The following SCMH1 variants were observed in gnomAD, a reference collection of about 807,000 sequenced individuals.
SCMH1 encodes polycomb protein SCMH1.
In SCMH1, 37 loss-of-function variants were observed where a neutral mutation model predicts 70.8. The observed-to-expected ratio is 0.52, with a 90% CI of 0.40 to 0.69. The LOEUF is 0.69. Ranked by LOEUF, SCMH1 falls within the 30% of genes least tolerant of loss-of-function variation. The probability of loss-of-function intolerance (pLI) is 0.00; values close to 1 mark genes in which losing one functional copy is unlikely to be tolerated. For synonymous variants in SCMH1, 292 were observed against 307.4 expected (o/e 0.95, Z 0.52); for missense variants, 607 against 827.3 (o/e 0.73, Z 3.27).
At chr1:41,096,933 C>T (rs995258801) in intron 8 of SCMH1, among the ~76,000 whole-genome samples, 2 of 152,192 alleles carry the variant, frequency 1.3e-5, no homozygotes, top group African/African-American at 4.8e-5. Flanking sequence ...TCCAGTCTTT[C>T]AAACTAGTTC....
At chr1:41,188,297 T>C (rs959682386) in intron 1 of SCMH1, among the ~76,000 whole-genome samples, 2 of 152,196 alleles carry the variant, frequency 1.3e-5, no homozygotes, top group Non-Finnish European at 2.9e-5. Flanking sequence ...GCTTGGCTAA[T>C]TTTTGTATTT....
At chr1:41,233,187 CTATATATAAGCCATA>C (rs138441556) in intron 1 of SCMH1, among the ~76,000 whole-genome samples, 4,798 of 152,092 alleles carry the variant, frequency 0.032, 288 homozygotes, top group Admixed American at 0.16. Context: ...CTCTTAATCC[CTATATATAAGCCATA>C]TATATATAAG....
chr1:41,075,459 A>C lies in SCMH1; in HGVS notation c.746-8T>G. 1.9e-6 allele frequency: 3 copies of C among 1,609,250 alleles called. No homozygotes were observed. The highest frequency in any genetic ancestry group is 2.6e-6 in the Non-Finnish European group (3 of 1,175,678). ...GATTCTTTGGAATCACAACTGCAAG[A>C]AAAAGACTCATTCTATCACCCTCCC... is the stretch of plus-strand genomic sequence containing the variant. On this transcript the variant is annotated splice_polypyrimidine_tract_variant and splice_region_variant and intron_variant, in intron 8 of 14. Coordinates refer to ENST00000337495, the Ensembl canonical transcript of SCMH1.
chr1:41,027,817 A>C, exon 15 of SCMH1: 1 of 203,648 alleles, frequency 4.9e-6, no homozygotes, highest in Non-Finnish European at 9.8e-6. Context: ...GTGAGAAGGT[A>C]CGAGCTGTGG....
At chr1:41,034,191 C>A in intron 13 of SCMH1, 143 bp from the exon 14 acceptor site, 1 of 1,174,394 alleles carries the variant, frequency 8.5e-7, no homozygotes, top group Non-Finnish European at 1.1e-6. Flanking sequence ...TCAGCTCTGC[C>A]TCTCTACTTG....
At chr1:41,205,478 G>A (rs1289873302) in intron 1 of SCMH1, among the ~76,000 whole-genome samples, 2 of 152,194 alleles carry the variant, frequency 1.3e-5, no homozygotes, top group African/African-American at 4.8e-5. Flanking sequence ...ATCAATTCGG[G>A]GCTCTCAGCT....
At chr1:41,057,830 C>T (rs1172411099) in intron 10 of SCMH1, among the ~76,000 whole-genome samples, 1 of 151,936 alleles carries the variant, frequency 6.6e-6, no homozygotes, top group Non-Finnish European at 1.5e-5. Flanking sequence ...AATAGTGTAA[C>T]AGAAATAAAG....
rs1054621051 is a variant in SCMH1 at position 41,110,529 on chromosome 1, A to C, written c.745+2754T>G. Among the ~76,000 whole-genome samples the C allele has an allele frequency of 2.0e-5, 3 of 152,228 alleles. No homozygotes were observed. In the East Asian group the frequency reaches 5.8e-4, roughly 29 times the overall value. On this transcript the variant is annotated intron_variant, in intron 8 of 14. Transcript: ENST00000337495. ...TTGCCAATTCTGGACATTTCATATA[A>C]ATGTAATCATCAATGATTATCTTTT...
intron 2 of SCMH1, among the ~76,000 whole-genome samples, chr1:41,164,040 C>A (rs1033675477): frequency 1.3e-5 from 2 of 152,142 alleles, no homozygotes; most frequent in African/African-American, 4.8e-5. Flanking sequence ...TTCTCACCAT[C>A]AATCACCTAT....
chr1:41,093,190 G>A (rs954719180), intron 8 of SCMH1, among the ~76,000 whole-genome samples: 2 of 151,964 alleles, frequency 1.3e-5, no homozygotes, highest in Non-Finnish European at 2.9e-5. Flanking sequence ...ATACTATGCA[G>A]CCATAAAAAA....
At chr1:41,126,092 T>C (rs922079837) in intron 6 of SCMH1, among the ~76,000 whole-genome samples, 1 of 152,200 alleles carries the variant, frequency 6.6e-6, no homozygotes, top group Non-Finnish European at 1.5e-5. Flanking sequence ...ACTACAGGGT[T>C]CTTCCTCATC....
At chr1:41,100,424 T>G (rs3766323) in intron 8 of SCMH1, among the ~76,000 whole-genome samples, 11,876 of 152,200 alleles carry the variant, frequency 0.078, 596 homozygotes, top group South Asian at 0.12. Context: ...ATTATGTCTT[T>G]AAGTTTGGTT....
intron 10 of SCMH1, among the ~76,000 whole-genome samples, chr1:41,053,248 A>G (rs1288938745): frequency 6.6e-6 from 1 of 152,064 alleles, no homozygotes; most frequent in Non-Finnish European, 1.5e-5. Context: ...TAAAATACAC[A>G]AAAAGGAAAT....
chr1:41,039,930 A>G (rs1645883337), intron 12 of SCMH1, among the ~76,000 whole-genome samples: 1 of 146,012 alleles, frequency 6.8e-6, no homozygotes, highest in African/African-American at 2.6e-5. Context: ...TTTTATATAT[A>G]ATTTTACCTT....
At chr1:41,117,097 C>T in intron 6 of SCMH1, 87 bp from the exon 7 acceptor site, 1 of 1,099,848 alleles carries the variant, frequency 9.1e-7, no homozygotes, top group Non-Finnish European at 1.3e-6. Context: ...GGTGCCGAGG[C>T]AAGAGACCGA....
At chr1:41,103,908 C>A (rs984467629) in intron 8 of SCMH1, among the ~76,000 whole-genome samples, 1 of 152,268 alleles carries the variant, frequency 6.6e-6, no homozygotes, top group South Asian at 2.1e-4. Context: ...ATCTACTCCA[C>A]CCATCTCACT....
chr1:41,145,207 T>C (rs1367592050), intron 5 of SCMH1, among the ~76,000 whole-genome samples: 1 of 152,188 alleles, frequency 6.6e-6, no homozygotes, highest in Non-Finnish European at 1.5e-5. Flanking sequence ...CAGTTTTAAC[T>C]CTTACATTTA....
At chr1:41,147,553 AAGTT>A (rs1470408004) in intron 5 of SCMH1, among the ~76,000 whole-genome samples, 6 of 152,152 alleles carry the variant, frequency 3.9e-5, no homozygotes, top group Non-Finnish European at 7.4e-5. Flanking sequence ...CAGTTAGGTC[AAGTT>A]AGTTCATAGT....
At chr1:41,133,446 C>T (rs895202892) in intron 6 of SCMH1, among the ~76,000 whole-genome samples, 4 of 152,028 alleles carry the variant, frequency 2.6e-5, no homozygotes, top group Non-Finnish European at 5.9e-5. Context: ...AAGTGCAGAA[C>T]TGAAGGAGAT....
Sources: allele counts gnomAD v4.1 joint callset (sites outside exome capture counted in the v4.1 genomes callset), GRCh38; gene constraint gnomAD v4.1.1; transcripts MANE v1.5; gene names NCBI Gene and HGNC (gene_info 2026-07-23, HGNC 2026-07-21).